RNF38: variants seen among roughly 807,000 people sequenced by gnomAD.
RNF38 encodes the protein ring finger protein 38.
RNF38 carries 15 observed loss-of-function variants against 67.2 expected under a neutral mutation model. The ratio of observed to expected loss-of-function variants is 0.22; its 90% CI spans 0.15 to 0.34. RNF38 has a LOEUF of 0.34. Ranked by LOEUF, RNF38 falls within the 10% of genes least tolerant of loss-of-function variation. RNF38 has a pLI of 1.00. For synonymous variants in RNF38, 220 were observed against 218.8 expected (o/e 1.01, Z -0.05); for missense variants, 524 against 639.9 (o/e 0.82, Z 1.95).
chr9:36,474,264 G>C (rs1564076851), intron 1 of RNF38, among the ~76,000 whole-genome samples: 1 of 149,866 alleles, frequency 6.7e-6, no homozygotes, highest in African/African-American at 2.5e-5. Flanking sequence ...AGTGAGCCAA[G>C]ATCACGCCAC....
chr9:36,360,887 C>CATAG (rs1834477888), intron 4 of RNF38, among the ~76,000 whole-genome samples: 1 of 151,976 alleles, frequency 6.6e-6, no homozygotes, highest in African/African-American at 2.4e-5. Flanking sequence ...CACGGCTCAC[C>CATAG]ATAGCCTCAA....
intron 2 of RNF38, among the ~76,000 whole-genome samples, chr9:36,386,449 C>T (rs905925923): frequency 1.3e-5 from 2 of 152,196 alleles, no homozygotes; most frequent in African/African-American, 4.8e-5. Flanking sequence ...GCATATTTCT[C>T]TATGTGTATA....
upstream of RNF38, among the ~76,000 whole-genome samples, chr9:36,406,138 T>C (rs1487160346): frequency 2.0e-5 from 3 of 152,182 alleles, no homozygotes; most frequent in Non-Finnish European, 4.4e-5. Flanking sequence ...TGTTTGTATA[T>C]CACTGACACC....
rs1387518320 is a variant in RNF38, at chr9:36,356,344, G to C, written c.868C>G (p.Pro290Ala). ...GTTTGGAAAGGGACAAACTGGCCTG[G>C]TGGTGGCAAATGAGGAGGATGATGG... ...SPHHPPHLPP[P>A]GQFVPFQTQQ... Residue 290 changes from proline to alanine, a missense_variant, in exon 6 of 12, where the codon CCA becomes GCA. By Grantham distance (27) the Pro-to-Ala change is conservative. This residue lies in a region of RNF38 where 461 missense variants were observed against 517.4 expected (regional missense o/e 0.89). Coordinates refer to ENST00000259605, the MANE Select transcript of RNF38 (RefSeq NM_022781.5). 2 of 1,614,086 alleles carry C rather than the reference G, an allele frequency of 1.2e-6. No individual in the cohort carries two copies. Among genetic ancestry groups the C allele is most frequent in the South Asian group, 2.2e-5 (2 of 91,084 alleles).
Position 36,361,252 on chromosome 9 carries a change from C to T in RNF38, c.571-3310G>A, listed in dbSNP as rs916330197. ...CTGCAACCTCTGCCTCCTGGGATCACACCACTCTCCTACCTCAGCCTCCCG... is the reference window on the plus strand; with the variant it reads ...CTGCAACCTCTGCCTCCTGGGATCATACCACTCTCCTACCTCAGCCTCCCG... On this transcript the variant is annotated intron_variant, in intron 4 of 11. Transcript: ENST00000259605. 5.3e-5 allele frequency among the ~76,000 whole-genome samples: 8 copies of T among 151,802 alleles called. 1 individual carries two copies. The South Asian group carries it at 1.5e-3, about 28-fold the overall frequency.
chr9:36,400,257 G>C lies in RNF38; in HGVS notation c.-149C>G, dbSNP rs921370016. ...AACGCAGCCTATCCAGAAACCCACG[G>C]AAGCAGAAGGACGCCAGAGAGGACC... On this transcript the variant is annotated 5_prime_UTR_variant, in exon 1 of 12. Transcript: ENST00000259605. 2 of 1,370,926 alleles carry C rather than the reference G, an allele frequency of 1.5e-6. No individual in the cohort carries two copies. The highest frequency in any genetic ancestry group is 9.5e-7 in the Non-Finnish European group (1 of 1,057,480). 84.9% of individuals were successfully genotyped at this position (1,370,926 alleles called of 1,614,324 possible).
chr9:36,356,767 T>C (rs1373572640), intron 5 of RNF38, among the ~76,000 whole-genome samples: 4 of 150,940 alleles, frequency 2.7e-5, no homozygotes, highest in Non-Finnish European at 5.9e-5. Flanking sequence ...GGGGGGGAAG[T>C]GCTGCAAAGA....
chr9:36,483,651 A>G (rs1204626151), intron 1 of RNF38, among the ~76,000 whole-genome samples: 1 of 152,232 alleles, frequency 6.6e-6, no homozygotes, highest in East Asian at 1.9e-4. Context: ...ATCTCTGACC[A>G]TAGGTTCAGA....
At chr9:36,396,927 A>G (rs1837550461) in intron 1 of RNF38, among the ~76,000 whole-genome samples, 1 of 151,978 alleles carries the variant, frequency 6.6e-6, no homozygotes, top group Non-Finnish European at 1.5e-5. Context: ...CAGTTCTCAT[A>G]CACAAATGAC....
chr9:36,354,720 TTAC>T (rs1397376058), intron 6 of RNF38, among the ~76,000 whole-genome samples: 4 of 152,236 alleles, frequency 2.6e-5, no homozygotes, highest in African/African-American at 9.6e-5. Flanking sequence ...AATAGTGCTA[TTAC>T]TACATTTGTG....
chr9:36,467,409 G>T (rs1226578978), intron 1 of RNF38, among the ~76,000 whole-genome samples: 2 of 151,468 alleles, frequency 1.3e-5, no homozygotes, highest in African/African-American at 4.9e-5. Context: ...ACTAATTAAG[G>T]AGAGTAATTA....
chr9:36,401,788 G>A (rs889698391), upstream of RNF38, among the ~76,000 whole-genome samples: 1 of 152,220 alleles, frequency 6.6e-6, no homozygotes, highest in African/African-American at 2.4e-5. Context: ...GAAATTAGAT[G>A]TTTCCCGCAA....
intron 9 of RNF38, among the ~76,000 whole-genome samples, chr9:36,348,604 C>T (rs1833473399): frequency 2.0e-5 from 3 of 152,232 alleles, no homozygotes; most frequent in Admixed American, 2.0e-4. Context: ...TCCAACCAGC[C>T]ACAACATTCT....
intron 9 of RNF38, among the ~76,000 whole-genome samples, chr9:36,350,777 A>C (rs1446227627): frequency 6.6e-6 from 1 of 152,200 alleles, no homozygotes; most frequent in Non-Finnish European, 1.5e-5. Context: ...TTTTTATGAC[A>C]TGTTTGTATC....
chr9:36,366,713 A>G (rs745757413), intron 4 of RNF38, among the ~76,000 whole-genome samples: 16 of 152,214 alleles, frequency 1.1e-4, no homozygotes, highest in Non-Finnish European at 1.9e-4. Flanking sequence ...TATTCCAGGT[A>G]GCAGGAAAGT....
chr9:36,478,200 T>C (rs574129362), intron 1 of RNF38, among the ~76,000 whole-genome samples: 2 of 151,424 alleles, frequency 1.3e-5, no homozygotes, highest in Non-Finnish European at 3.0e-5. Flanking sequence ...TTTGGGAGGC[T>C]GAGACCATTC....
intron 1 of RNF38, among the ~76,000 whole-genome samples, chr9:36,394,149 C>T (rs908780716): frequency 1.3e-5 from 2 of 152,168 alleles, no homozygotes; most frequent in Admixed American, 1.3e-4. Context: ...GTGGCGCACA[C>T]CTGTAGTCCC....
intron 1 of RNF38, among the ~76,000 whole-genome samples, chr9:36,428,503 G>A (rs372737464): frequency 1.3e-4 from 19 of 151,276 alleles, no homozygotes; most frequent in East Asian, 7.8e-4. Context: ...TCCCCTGCTG[G>A]ACCACGACCA....
At chr9:36,402,112 T>C (rs1202286726), upstream of RNF38, among the ~76,000 whole-genome samples, 1 of 152,212 alleles carries the variant, frequency 6.6e-6, no homozygotes, top group East Asian at 1.9e-4. Flanking sequence ...CCAAGTCTAG[T>C]GCCAGAAACA....
Sources: gnomAD v4.1 joint callset for allele counts (sites outside exome capture counted in the v4.1 genomes callset) on GRCh38, gnomAD v4.1.1 for gene constraint, gnomAD v4.1.1 regional missense constraint, MANE v1.5 for transcripts, NCBI Gene and HGNC (gene_info 2026-07-23, HGNC 2026-07-21) for gene names.